Variants in WWC1 observed in about 807,000 individuals in gnomAD.
WWC1 encodes protein KIBRA.
WWC1 carries 55 observed loss-of-function variants against 138.4 expected under a neutral mutation model. That is an observed-to-expected ratio of 0.40 (90% confidence interval 0.32 to 0.50). The LOEUF (loss-of-function observed/expected upper bound fraction) is 0.50. Among genes scored for constraint, WWC1 ranks in the 20% least tolerant of loss-of-function variants. The pLI is 0.72. For missense variants in WWC1, 1,226 were observed against 1,420.4 expected, an observed-to-expected ratio of 0.86 and a Z score of 2.20; for synonymous variants, 524 against 564.9, an observed-to-expected ratio of 0.93 and a Z score of 1.03.
chr5:168,373,995 G>A (rs974461585), intron 2 of WWC1, among the ~76,000 whole-genome samples: 4 of 146,130 alleles, frequency 2.7e-5, no homozygotes, highest in South Asian at 2.2e-4. Context: ...GCAGTGAGCC[G>A]AGATCCCGCC....
chr5:168,404,130 C>T (rs1328955352), intron 5 of WWC1, among the ~76,000 whole-genome samples: 1 of 152,168 alleles, frequency 6.6e-6, no homozygotes, highest in Non-Finnish European at 1.5e-5. Context: ...CTGTCTCATC[C>T]TGCAAGGGAT....
At chr5:168,379,353 A>G (rs1777448800) in intron 2 of WWC1, among the ~76,000 whole-genome samples, 1 of 151,832 alleles carries the variant, frequency 6.6e-6, no homozygotes, top group African/African-American at 2.4e-5. Context: ...CTGTCGGAGG[A>G]CCCCCTCAGG....
At position 168,423,592 on chromosome 5, in the gene WWC1, G is replaced by T; in HGVS notation, c.1334G>T (p.Ser445Ile). 1 of 1,614,086 alleles carries T rather than the reference G, an allele frequency of 6.2e-7. No individual in the cohort carries two copies. Among genetic ancestry groups the T allele is most frequent in the Non-Finnish European group, 8.5e-7 (1 of 1,180,000 alleles). Residue 445 changes from serine (S) to isoleucine (I), a missense_variant, in exon 11 of 23, where the codon AGC (serine) becomes ATC (isoleucine). By Grantham distance (142) the Ser-to-Ile change is moderately radical. Around this residue, in one of 3 missense-constraint regions of WWC1, gnomAD observed 1,016 missense variants for 1,153.9 expected, o/e 0.88. Coordinates refer to ENST00000265293, the MANE Select transcript of WWC1 (RefSeq NM_015238.3). ...AGCAGCCCCGGATCCCTCACGTCCAGCCGGGGCTCCCTGGTTGCATCCAGC... is the reference window on the plus strand; with the variant it reads ...AGCAGCCCCGGATCCCTCACGTCCATCCGGGGCTCCCTGGTTGCATCCAGC... ...SGSSPGSLTS[S>I]RGSLVASSLD...
chr5:168,393,248 A>G (rs1425787897), intron 3 of WWC1, among the ~76,000 whole-genome samples: 3 of 152,212 alleles, frequency 2.0e-5, no homozygotes, highest in African/African-American at 7.2e-5. Flanking sequence ...AAGGAGGAGA[A>G]TTTTTAGACT....
At chr5:168,460,122 C>G (rs554739490) in intron 19 of WWC1, among the ~76,000 whole-genome samples, 9 of 152,290 alleles carry the variant, frequency 5.9e-5, no homozygotes, top group African/African-American at 2.2e-4. Context: ...TGCCTTTAAG[C>G]TGTCTTTTTC....
intron 1 of WWC1, among the ~76,000 whole-genome samples, chr5:168,361,394 A>G (rs1775867623): frequency 6.6e-6 from 1 of 152,216 alleles, no homozygotes; most frequent in Admixed American, 6.5e-5. Context: ...AGGTAATGAG[A>G]AAAATGAAGA....
intron 1 of WWC1, among the ~76,000 whole-genome samples, chr5:168,355,768 G>A (rs1280032927): frequency 7.2e-5 from 11 of 152,186 alleles, no homozygotes; most frequent in Non-Finnish European, 1.5e-5. Flanking sequence ...CTGGATTAAT[G>A]TGTTGTTGTT....
chr5:168,448,219 A>G (rs1755457337), intron 17 of WWC1, among the ~76,000 whole-genome samples: 1 of 151,982 alleles, frequency 6.6e-6, no homozygotes, highest in Non-Finnish European at 1.5e-5. Context: ...TGGTCCTGGG[A>G]TGTTAACTGG....
At chr5:168,327,858 C>T (rs1474417130) in intron 1 of WWC1, among the ~76,000 whole-genome samples, 1 of 152,174 alleles carries the variant, frequency 6.6e-6, no homozygotes, top group Non-Finnish European at 1.5e-5. Context: ...TTATAGGGAA[C>T]CCAGGAGTGA....
At chr5:168,373,719 T>TAAAAAAA (rs368930085) in intron 2 of WWC1, among the ~76,000 whole-genome samples, 2 of 52,644 alleles carry the variant, frequency 3.8e-5, no homozygotes, top group African/African-American at 1.6e-4. Flanking sequence ...CCTTGTCTCT[T>TAAAAAAA]AAAAAAAAAA....
At chr5:168,379,547 ACACC>A (rs1777465325) in intron 2 of WWC1, among the ~76,000 whole-genome samples, 1 of 151,972 alleles carries the variant, frequency 6.6e-6, no homozygotes, top group Admixed American at 6.6e-5. Flanking sequence ...TTACAGGCAT[ACACC>A]ACCACACCCA....
At chr5:168,465,613 G>A (rs1757226742) in intron 21 of WWC1, among the ~76,000 whole-genome samples, 1 of 134,296 alleles carries the variant, frequency 7.4e-6, no homozygotes, top group Admixed American at 8.5e-5. Flanking sequence ...GGGCTGGAGT[G>A]TGGTGGCATG....
At chr5:168,439,470 CAAAA>C (rs34911162) in intron 15 of WWC1, among the ~76,000 whole-genome samples, 20,626 of 137,162 alleles carry the variant, frequency 0.15, 1,562 homozygotes, top group Admixed American at 0.21. Flanking sequence ...ACTAAAAATA[CAAAA>C]AAAAAAAAAA....
At chr5:168,467,679 T>C in intron 21 of WWC1, 161 bp from the exon 22 acceptor site, 1 of 1,055,974 alleles carries the variant, frequency 9.5e-7, no homozygotes, top group Non-Finnish European at 1.3e-6. Flanking sequence ...AACAGATGAT[T>C]TGAGCACTTC....
At chr5:168,408,049 T>TTA (rs35282533) in intron 6 of WWC1, among the ~76,000 whole-genome samples, 1 of 150,158 alleles carries the variant, frequency 6.7e-6, no homozygotes, top group Admixed American at 6.7e-5. Flanking sequence ...TTTTTTTTTT[T>TTA]AGAGATGGGA....
intron 7 of WWC1, 38 bp from the exon 8 acceptor site, chr5:168,409,884 A>G (rs754513827): frequency 1.2e-6 from 2 of 1,611,548 alleles, no homozygotes; most frequent in Non-Finnish European, 8.5e-7. Context: ...ACCGGCCACA[A>G]CAGCCACATA....
At chr5:168,412,684 A>T (rs2152842333) in intron 8 of WWC1, among the ~76,000 whole-genome samples, 1 of 152,344 alleles carries the variant, frequency 6.6e-6, no homozygotes, top group Non-Finnish European at 1.5e-5. Context: ...CGGGTTCTGC[A>T]TCTGCAGATT....
At chr5:168,443,847 A>G (rs540154271) in intron 16 of WWC1, among the ~76,000 whole-genome samples, 1 of 152,338 alleles carries the variant, frequency 6.6e-6, no homozygotes, top group East Asian at 1.9e-4. Context: ...CTTTGGTATT[A>G]GCTACCATTT....
intron 1 of WWC1, among the ~76,000 whole-genome samples, chr5:168,313,651 T>C (rs1308979663): frequency 6.6e-6 from 1 of 151,788 alleles, no homozygotes; most frequent in African/African-American, 2.4e-5. Flanking sequence ...AATCAGAATG[T>C]GAATTTTAAC....
Sources: allele counts gnomAD v4.1 joint callset (sites outside exome capture counted in the v4.1 genomes callset), GRCh38; gene constraint gnomAD v4.1.1; regional missense constraint gnomAD v4.1.1; transcripts MANE v1.5; gene names NCBI Gene and HGNC (gene_info 2026-07-23, HGNC 2026-07-21).